Variants in ST6GALNAC5 observed in about 807,000 individuals in gnomAD.
ST6GALNAC5 encodes alpha-N-acetylgalactosaminide alpha-2,6-sialyltransferase 5.
In ST6GALNAC5, 27 loss-of-function variants were observed where a neutral mutation model predicts 33.6. The observed-to-expected ratio is 0.80, with a 90% CI of 0.59 to 1.11. ST6GALNAC5 has a LOEUF of 1.11. Among genes scored for constraint, ST6GALNAC5 ranks in the 50% least tolerant of loss-of-function variants. The pLI is 0.00. For missense variants in ST6GALNAC5, 428 were observed against 454.0 expected, an observed-to-expected ratio of 0.94 and a Z score of 0.52; for synonymous variants, 194 against 171.2, an observed-to-expected ratio of 1.13 and a Z score of -1.04.
At chr1:76,873,179 G>C (rs1653549040) in intron 2 of ST6GALNAC5, among the ~76,000 whole-genome samples, 1 of 152,088 alleles carries the variant, frequency 6.6e-6, no homozygotes, top group South Asian at 2.1e-4. Flanking sequence ...TTCCTGGAAA[G>C]CTCTTCCCCA....
At chr1:76,880,862 C>T (rs1467832579) in intron 2 of ST6GALNAC5, among the ~76,000 whole-genome samples, 2 of 152,180 alleles carry the variant, frequency 1.3e-5, no homozygotes, top group African/African-American at 2.4e-5. Context: ...GACCACAAGA[C>T]AGAATATTTG....
At chr1:76,876,581 T>G (rs1653643831) in intron 2 of ST6GALNAC5, among the ~76,000 whole-genome samples, 1 of 152,226 alleles carries the variant, frequency 6.6e-6, no homozygotes, top group African/African-American at 2.4e-5. Flanking sequence ...CAGTCGTGCT[T>G]CTTCCAAGTC....
chr1:76,896,155 A>T (rs1220869477), intron 2 of ST6GALNAC5, among the ~76,000 whole-genome samples: 1 of 152,186 alleles, frequency 6.6e-6, no homozygotes, highest in African/African-American at 2.4e-5. Flanking sequence ...TAAACTGAGG[A>T]ATTGTGTCTG....
At chr1:76,977,243 T>A (rs1029372929) in intron 2 of ST6GALNAC5, among the ~76,000 whole-genome samples, 1 of 152,198 alleles carries the variant, frequency 6.6e-6, no homozygotes, top group African/African-American at 2.4e-5. Flanking sequence ...TTAATGATTG[T>A]ATACCTTGTA....
At chr1:77,020,859 G>T (rs1273962604) in intron 2 of ST6GALNAC5, among the ~76,000 whole-genome samples, 1 of 152,218 alleles carries the variant, frequency 6.6e-6, no homozygotes, top group Non-Finnish European at 1.5e-5. Context: ...GGCTGATGCT[G>T]GCTGGTGGCT....
At chr1:77,011,549 C>T (rs1221957955) in intron 2 of ST6GALNAC5, among the ~76,000 whole-genome samples, 1 of 152,192 alleles carries the variant, frequency 6.6e-6, no homozygotes, top group African/African-American at 2.4e-5. Context: ...TGGTACTTTA[C>T]AAGGTTATAC....
intron 2 of ST6GALNAC5, among the ~76,000 whole-genome samples, chr1:76,934,148 A>T (rs545479733): frequency 5.2e-4 from 79 of 152,150 alleles, no homozygotes; most frequent in African/African-American, 1.8e-3. Flanking sequence ...GCCACACAGA[A>T]TATCAAGAGT....
At chr1:77,057,279 T>C (rs775269792) in intron 4 of ST6GALNAC5, among the ~76,000 whole-genome samples, 2 of 152,218 alleles carry the variant, frequency 1.3e-5, no homozygotes, top group African/African-American at 4.8e-5. Context: ...GATCACACTA[T>C]AGGAGAGAAA....
At chr1:76,927,277 T>C (rs1464789505) in intron 2 of ST6GALNAC5, among the ~76,000 whole-genome samples, 1 of 152,094 alleles carries the variant, frequency 6.6e-6, no homozygotes, top group African/African-American at 2.4e-5. Flanking sequence ...TTCATGAATA[T>C]ATAAAATATA....
rs182477487 is a variant in ST6GALNAC5, at chr1:76,942,490, G to A, written c.261+73748G>A. Reference sequence around the variant, plus strand: ...ATGACTGACTGCGTTCCTTCATTTGGTCTATGGAGATACTTATCAAGCCCT... The same window carrying A: ...ATGACTGACTGCGTTCCTTCATTTGATCTATGGAGATACTTATCAAGCCCT... On this transcript the variant is annotated intron_variant, in intron 2 of 4. Transcript: ENST00000477717. Among the ~76,000 whole-genome samples the A allele has an allele frequency of 2.9e-4, 44 of 152,162 alleles. 1 individual carries two copies. Among genetic ancestry groups the A allele is most frequent in the African/African-American group, 9.6e-4 (40 of 41,546 alleles).
At chr1:77,037,850 C>T (rs1651702433) in intron 2 of ST6GALNAC5, among the ~76,000 whole-genome samples, 1 of 151,958 alleles carries the variant, frequency 6.6e-6, no homozygotes, top group African/African-American at 2.4e-5. Flanking sequence ...GTAGGATAGA[C>T]CCAACAGGAT....
At chr1:77,061,777 G>A (rs901698463) in intron 4 of ST6GALNAC5, among the ~76,000 whole-genome samples, 2 of 152,122 alleles carry the variant, frequency 1.3e-5, no homozygotes, top group Non-Finnish European at 2.9e-5. Flanking sequence ...TCAAACAAGG[G>A]CACCTACCAC....
chr1:77,052,159 A>G (rs1652240622), intron 4 of ST6GALNAC5, among the ~76,000 whole-genome samples: 1 of 152,228 alleles, frequency 6.6e-6, no homozygotes, highest in Non-Finnish European at 1.5e-5. Flanking sequence ...TGCACAAGAC[A>G]GTTTCAGCAA....
chr1:77,044,234 CT>C lies in ST6GALNAC5; in HGVS notation c.293del (p.Leu98ArgfsTer2). ...PLKMHCRDCA[L>X]VTSSGHLLHS... ...GAAAATGCACTGCAGGGACTGTGCCCTGGTGACCAGCTCAGGGCATCTGCTG... is the reference window on the plus strand; with the variant it reads ...GAAAATGCACTGCAGGGACTGTGCCCGGTGACCAGCTCAGGGCATCTGCTG... On this transcript the variant is annotated frameshift_variant, in exon 3 of 5. Transcript: ENST00000477717. LOFTEE classifies it high-confidence loss of function. 1.2e-6 allele frequency: 2 copies of C among 1,612,576 alleles called. No homozygotes were observed. The highest frequency in any genetic ancestry group is 1.7e-6 in the Non-Finnish European group (2 of 1,179,318).
intron 2 of ST6GALNAC5, among the ~76,000 whole-genome samples, chr1:76,911,450 G>A (rs1260951061): frequency 2.0e-5 from 3 of 152,016 alleles, no homozygotes; most frequent in Non-Finnish European, 4.4e-5. Flanking sequence ...GGATGATGCT[G>A]GCCTCATAAA....
At chr1:77,018,194 C>T (rs868283219) in intron 2 of ST6GALNAC5, among the ~76,000 whole-genome samples, 14 of 152,120 alleles carry the variant, frequency 9.2e-5, no homozygotes, top group Admixed American at 5.9e-4. Flanking sequence ...TAGAAAGAGC[C>T]ACCCTTTAGA....
intron 2 of ST6GALNAC5, among the ~76,000 whole-genome samples, chr1:77,005,870 A>C (rs1375259245): frequency 6.6e-6 from 1 of 152,214 alleles, no homozygotes; most frequent in Non-Finnish European, 1.5e-5. Context: ...TTGTAGTTTG[A>C]ATCAGAATTT....
chr1:76,892,056 A>G (rs1654025275), intron 2 of ST6GALNAC5, among the ~76,000 whole-genome samples: 1 of 152,172 alleles, frequency 6.6e-6, no homozygotes, highest in Non-Finnish European at 1.5e-5. Context: ...CCGAGAATTT[A>G]TTTGGTTTAT....
intron 2 of ST6GALNAC5, among the ~76,000 whole-genome samples, chr1:76,998,511 A>G (rs181590186): frequency 1.6e-4 from 25 of 152,342 alleles, no homozygotes; most frequent in Middle Eastern, 3.4e-3. Context: ...TTCATAACCA[A>G]TGAAAATCTG....
Sources: gnomAD v4.1 joint callset for allele counts (sites outside exome capture counted in the v4.1 genomes callset) on GRCh38, gnomAD v4.1.1 for gene constraint, MANE v1.5 for transcripts, NCBI Gene and HGNC (gene_info 2026-07-23, HGNC 2026-07-21) for gene names.